The following PHF24 variants were observed in gnomAD, a reference collection of about 807,000 sequenced individuals.
PHF24 encodes Galpha inhibitory interacting protein.
PHF24 carries 25 observed loss-of-function variants against 42.6 expected under a neutral mutation model. The observed-to-expected ratio is 0.59, with a 90% CI of 0.43 to 0.82. PHF24 has a LOEUF of 0.82. Ranked by LOEUF, PHF24 falls within the 40% of genes least tolerant of loss-of-function variation. The pLI is 0.00. For synonymous variants in PHF24, 185 were observed against 204.8 expected, an observed-to-expected ratio of 0.90 and a Z score of 0.83; for missense variants, 470 against 538.1, an observed-to-expected ratio of 0.87 and a Z score of 1.25.
chr9:34,976,096 C>G, intron 3 of PHF24, 56 bp from the exon 4 acceptor site: 2 of 1,227,484 alleles, frequency 1.6e-6, no homozygotes, highest in Non-Finnish European at 2.4e-6. Context: ...CCCCCTTGAC[C>G]CTGGCCTTTC....
chr9:34,965,340 G>A lies in PHF24; in HGVS notation c.-4-5955G>A, dbSNP rs527548703. Among the ~76,000 whole-genome samples, 11 of 152,332 alleles carry A rather than the reference G, an allele frequency of 7.2e-5. No homozygotes were observed. The South Asian group carries it at 2.1e-3, about 29-fold the overall frequency. Reference sequence around the variant, plus strand: ...TTCACAGTTTACTGTCAAAGTCAAAGTCATGTCAATTCAAAATGACTTGAT... The same window carrying A: ...TTCACAGTTTACTGTCAAAGTCAAAATCATGTCAATTCAAAATGACTTGAT... On this transcript the variant is annotated intron_variant, in intron 1 of 7. Transcript: ENST00000242315.
chr9:34,730,543 A>G, the PHF24 span, among the ~76,000 whole-genome samples: 1 of 152,220 alleles, frequency 6.6e-6, no homozygotes, highest in Non-Finnish European at 1.5e-5. Context: ...AGTGTTGAGG[A>G]TACAAAGACA....
upstream of PHF24, among the ~76,000 whole-genome samples, chr9:34,954,297 G>T (rs1224848780): frequency 1.3e-5 from 2 of 152,196 alleles, no homozygotes; most frequent in Admixed American, 6.5e-5. Context: ...CAGGCTCTTT[G>T]CTTCTGTGTT....
the PHF24 span, among the ~76,000 whole-genome samples, chr9:34,716,846 C>T: frequency 6.6e-6 from 1 of 152,176 alleles, no homozygotes; most frequent in African/African-American, 2.4e-5. Flanking sequence ...GAGCTCAAAG[C>T]GATCTGCCCA....
the PHF24 span, among the ~76,000 whole-genome samples, chr9:34,864,710 A>G: frequency 1.7e-4 from 26 of 152,220 alleles, no homozygotes; most frequent in Non-Finnish European, 2.6e-4. Flanking sequence ...AAAAGGTACA[A>G]AACTCACCAG....
upstream of PHF24, among the ~76,000 whole-genome samples, chr9:34,956,187 G>A (rs1826366486): frequency 2.0e-5 from 3 of 152,134 alleles, no homozygotes; most frequent in Admixed American, 2.0e-4. Context: ...TTGAGGGAAA[G>A]TACTGTGTCT....
At chr9:34,787,531 G>T in the PHF24 span, among the ~76,000 whole-genome samples, 2 of 152,056 alleles carry the variant, frequency 1.3e-5, no homozygotes, top group Non-Finnish European at 2.9e-5. Flanking sequence ...AAGGACTAAG[G>T]TTTCCATCTC....
At chr9:34,788,428 CA>C in the PHF24 span, among the ~76,000 whole-genome samples, 1 of 152,104 alleles carries the variant, frequency 6.6e-6, no homozygotes, top group African/African-American at 2.4e-5. Context: ...AGAGACCTTT[CA>C]AAATAGAACT....
At chr9:34,728,670 C>A in the PHF24 span, 1 of 1,551,252 alleles carries the variant, frequency 6.4e-7, no homozygotes, top group Non-Finnish European at 8.7e-7. Flanking sequence ...AAGACAAAAA[C>A]ATTAGAATGT....
At chr9:34,954,282 A>G (rs1031496894), upstream of PHF24, among the ~76,000 whole-genome samples, 1 of 152,220 alleles carries the variant, frequency 6.6e-6, no homozygotes, top group African/African-American at 2.4e-5. Flanking sequence ...ACGTACCACA[A>G]TTCTCAGGCT....
chr9:34,913,612 A>C, the PHF24 span, among the ~76,000 whole-genome samples: 3 of 152,212 alleles, frequency 2.0e-5, no homozygotes, highest in African/African-American at 7.2e-5. Context: ...AAAACCCTTT[A>C]ATTTCTATGG....
At chr9:34,821,463 G>A in the PHF24 span, among the ~76,000 whole-genome samples, 1 of 152,162 alleles carries the variant, frequency 6.6e-6, no homozygotes, top group African/African-American at 2.4e-5. Flanking sequence ...ATGGGTCACA[G>A]GACAGATTTT....
the PHF24 span, among the ~76,000 whole-genome samples, chr9:34,899,343 A>G: frequency 6.6e-6 from 1 of 152,208 alleles, no homozygotes; most frequent in Admixed American, 6.5e-5. Flanking sequence ...AATGATTGCA[A>G]TAGAATTTCT....
chr9:34,809,066 A>T, the PHF24 span, among the ~76,000 whole-genome samples: 1 of 151,524 alleles, frequency 6.6e-6, no homozygotes, highest in African/African-American at 2.4e-5. This position sits in a 1 kb window ranked among gnomAD's most constrained non-coding sequence, Gnocchi z 4.1. Context: ...ATAAATAAAT[A>T]AATTTTAAAA....
intron 3 of PHF24, among the ~76,000 whole-genome samples, chr9:34,973,144 A>G (rs1302665726): frequency 6.6e-6 from 1 of 152,128 alleles, no homozygotes; most frequent in Non-Finnish European, 1.5e-5. Context: ...CTGAGCTAGG[A>G]GATTGACTGG....
At chr9:34,719,934 C>A in the PHF24 span, among the ~76,000 whole-genome samples, 1 of 152,170 alleles carries the variant, frequency 6.6e-6, no homozygotes, top group Non-Finnish European at 1.5e-5. Context: ...ATGGGCTGGG[C>A]CCCCATCCCT....
the PHF24 span, chr9:34,922,957 G>C: frequency 1.5e-6 from 2 of 1,302,498 alleles, no homozygotes; most frequent in Non-Finnish European, 2.1e-6. Flanking sequence ...ACCTTGTGTC[G>C]GCATGGCCTC....
At chr9:34,923,539 A>G in the PHF24 span, among the ~76,000 whole-genome samples, 1 of 152,138 alleles carries the variant, frequency 6.6e-6, no homozygotes, top group Non-Finnish European at 1.5e-5. Flanking sequence ...GGGTTTCTTC[A>G]TGATATAATC....
the PHF24 span, among the ~76,000 whole-genome samples, chr9:34,688,625 G>C: frequency 6.6e-6 from 1 of 152,134 alleles, no homozygotes; most frequent in African/African-American, 2.4e-5. Context: ...CTGACTCCCA[G>C]GTCTGTCTGT....
Sources: allele counts gnomAD v4.1 joint callset (sites outside exome capture counted in the v4.1 genomes callset), GRCh38; gene constraint gnomAD v4.1.1; non-coding constraint Gnocchi (gnomAD v3.1); transcripts MANE v1.5; gene names NCBI Gene and HGNC (gene_info 2026-07-23, HGNC 2026-07-21).